THBS4: variants seen among roughly 807,000 people sequenced by gnomAD.
THBS4 encodes the protein thrombospondin-4.
Under a neutral mutation model 115.7 loss-of-function variants are expected in THBS4, and 90 were observed. The observed-to-expected ratio is 0.78, with a 90% CI of 0.66 to 0.93. The LOEUF (loss-of-function observed/expected upper bound fraction) is 0.93, where lower values mean the gene tolerates loss of function less well. Among genes scored for constraint, THBS4 ranks in the 40% least tolerant of loss-of-function variants. The probability of loss-of-function intolerance (pLI) is 0.00; values close to 1 mark genes in which losing one functional copy is unlikely to be tolerated. For synonymous variants in THBS4, 460 were observed against 479.3 expected (o/e 0.96, Z 0.53); for missense variants, 1,087 against 1,232.7 (o/e 0.88, Z 1.77).
chr5:80,061,273 C>T (rs542250736), intron 7 of THBS4, among the ~76,000 whole-genome samples: 7 of 152,224 alleles, frequency 4.6e-5, no homozygotes, highest in Admixed American at 2.6e-4. Context: ...GAAGAGGCAC[C>T]GGCCCTGGCT....
At position 80,055,907 on chromosome 5, in the gene THBS4, G is replaced by A. The variant is rs780744842; in HGVS notation, c.415G>A (p.Gly139Ser). 1.2e-5 allele frequency: 20 copies of A among 1,614,046 alleles called. No homozygotes were observed. The highest frequency in any genetic ancestry group is 7.7e-5 in the South Asian group (7 of 91,088). ...LRLSNLQRGA[G>S]SLELYLDCIQ... Reference sequence around the variant, plus strand: ...GCTGAGCAATTTGCAGCGAGGGGCCGGCTCCCTAGAGCTCTACCTGGACTG... The same window carrying A: ...GCTGAGCAATTTGCAGCGAGGGGCCAGCTCCCTAGAGCTCTACCTGGACTG... The change falls in exon 3 of 22, where the codon GGC becomes AGC. Residue 139 changes from glycine (G) to serine (S), a missense_variant. Transcript: ENST00000350881.
chr5:80,035,998 T>C lies in THBS4; in HGVS notation c.88+373T>C. ...CTGTGCCGGTTCCCTCCAGGCAGCC[T>C]TGCTCCCTAAATCCTTCCTCAGGCG... On this transcript the variant is annotated intron_variant, in intron 1 of 21. Coordinates refer to ENST00000350881, the MANE Select transcript of THBS4 (RefSeq NM_003248.6). This position sits in a 1 kb window ranked among gnomAD's most constrained non-coding sequence, Gnocchi z 4.6. 1 of 1,015,170 alleles carries C rather than the reference T, an allele frequency of 9.9e-7. No homozygotes were observed. Among genetic ancestry groups the C allele is most frequent in the Non-Finnish European group, 1.2e-6 (1 of 849,936 alleles). 62.9% of individuals were successfully genotyped at this position (1,015,170 alleles called of 1,614,324 possible).
intron 21 of THBS4, 30 bp from the exon 22 acceptor site, chr5:80,083,050 C>G (rs1561333448): frequency 1.9e-6 from 3 of 1,606,852 alleles, no homozygotes; most frequent in Non-Finnish European, 2.6e-6. Flanking sequence ...AGGAGCCTCG[C>G]TAACCTCCCT....
chr5:80,070,670 G>C lies in THBS4; in HGVS notation c.1480G>C (p.Gly494Arg), dbSNP rs1834009172. 2.5e-6 allele frequency: 4 copies of C among 1,614,172 alleles called. No homozygotes were observed. The highest frequency in any genetic ancestry group is 3.4e-6 in the Non-Finnish European group (4 of 1,180,022). Residue 494 changes from glycine (G) to arginine (R), a missense_variant, in exon 12 of 22, where the codon GGC becomes CGC. Transcript: ENST00000350881. ...CAACTGCAAATATGTGCCAAATTCT[G>C]GCCAAGAAGATGCAGACAGAGATGG... Reference protein sequence around the residue: ...KDNCKYVPNSGQEDADRDGIG... With the variant: ...KDNCKYVPNSRQEDADRDGIG...
chr5:80,038,306 G>A (rs941744563), intron 1 of THBS4, among the ~76,000 whole-genome samples: 4 of 151,514 alleles, frequency 2.6e-5, no homozygotes, highest in African/African-American at 9.8e-5. Context: ...ATGGAATTAC[G>A]TTATACATAT....
chr5:80,082,929 C>G (rs1312570438), intron 21 of THBS4, 151 bp from the exon 22 acceptor site: 29 of 731,000 alleles, frequency 4.0e-5, no homozygotes, highest in Non-Finnish European at 6.2e-5. Flanking sequence ...GTTTGCAAAG[C>G]AGCCTGCAGG....
chr5:80,011,876 T>TA (rs148392672), intron 2 of THBS4, among the ~76,000 whole-genome samples: 35,918 of 149,952 alleles, frequency 0.24, 4,671 homozygotes, highest in African/African-American at 0.35. Context: ...TTCTGTTTCT[T>TA]AAAAAAAAAG....
chr5:80,002,459 C>T (rs1580901599), intron 2 of THBS4, among the ~76,000 whole-genome samples: 1 of 152,174 alleles, frequency 6.6e-6, no homozygotes, highest in African/African-American at 2.4e-5. Context: ...GACCAAAGAC[C>T]TTTGCCTTGT....
intron 2 of THBS4, among the ~76,000 whole-genome samples, chr5:80,021,289 G>C (rs1832368458): frequency 6.6e-6 from 1 of 152,126 alleles, no homozygotes; most frequent in African/African-American, 2.4e-5. Context: ...ATCAAATGAA[G>C]AAGCAGACTT....
chr5:80,011,688 G>A (rs1320446526), intron 2 of THBS4, among the ~76,000 whole-genome samples: 1 of 152,126 alleles, frequency 6.6e-6, no homozygotes, highest in Admixed American at 6.5e-5. Context: ...GCTTCAGAAT[G>A]AGCCAGGGAC....
At chr5:80,021,636 C>T (rs376281229) in intron 2 of THBS4, among the ~76,000 whole-genome samples, 12 of 152,042 alleles carry the variant, frequency 7.9e-5, no homozygotes, top group East Asian at 1.9e-4. Context: ...CCTCTACATG[C>T]GCCACTACAT....
intron 2 of THBS4, among the ~76,000 whole-genome samples, chr5:80,000,372 A>G (rs907455441): frequency 6.6e-6 from 1 of 152,068 alleles, no homozygotes; most frequent in Admixed American, 6.6e-5. Flanking sequence ...CACAAAGTCT[A>G]CCCCTCCTTA....
intron 16 of THBS4, among the ~76,000 whole-genome samples, chr5:80,077,603 CT>C (rs1363837266): frequency 3.9e-5 from 6 of 152,224 alleles, no homozygotes; most frequent in African/African-American, 9.6e-5. Context: ...AGCACGTTAG[CT>C]GAACAACACA....
intron 10 of THBS4, among the ~76,000 whole-genome samples, chr5:80,069,305 G>T (rs1275566601): frequency 6.6e-6 from 1 of 152,228 alleles, no homozygotes; most frequent in Non-Finnish European, 1.5e-5. Flanking sequence ...TAAATATAAT[G>T]AAGTCAGCCC....
At chr5:80,069,885 A>G (rs1833970581) in intron 10 of THBS4, among the ~76,000 whole-genome samples, 1 of 152,234 alleles carries the variant, frequency 6.6e-6, no homozygotes, top group Non-Finnish European at 1.5e-5. Flanking sequence ...TGGTGAGGCC[A>G]GGAAATTTAA....
At chr5:80,069,853 C>T (rs1344988208) in intron 10 of THBS4, among the ~76,000 whole-genome samples, 2 of 152,220 alleles carry the variant, frequency 1.3e-5, no homozygotes, top group East Asian at 3.9e-4. Flanking sequence ...CTGAGGAAGT[C>T]ACTGGTCTGA....
chr5:80,041,859 T>C (rs760103566), intron 2 of THBS4, among the ~76,000 whole-genome samples: 15 of 152,256 alleles, frequency 9.9e-5, no homozygotes, highest in Non-Finnish European at 1.6e-4. Context: ...CTTTACAAAG[T>C]GGACACTTCC....
chr5:79,994,388 A>G (rs2151146825), intron 1 of THBS4, among the ~76,000 whole-genome samples: 2 of 152,356 alleles, frequency 1.3e-5, no homozygotes, highest in South Asian at 4.1e-4. Context: ...TAGTCCATTA[A>G]AAAGCCCAGT....
chr5:80,070,765 G>A lies in THBS4; in HGVS notation c.1560+15G>A. On this transcript the variant is annotated intron_variant, in intron 12 of 21. Transcript: ENST00000350881. ...TGAATGAGCAGGTACCTGCTTCGCT[G>A]GGAGGGCCTGTGAATTGCCACGTAC... 1 of 1,612,642 alleles carries A rather than the reference G, an allele frequency of 6.2e-7. No homozygotes were observed. The highest frequency in any genetic ancestry group is 1.1e-5 in the South Asian group (1 of 91,056).
Sources: gnomAD v4.1 joint callset for allele counts (sites outside exome capture counted in the v4.1 genomes callset) on GRCh38, gnomAD v4.1.1 for gene constraint, Gnocchi (gnomAD v3.1) non-coding constraint, MANE v1.5 for transcripts, NCBI Gene and HGNC (gene_info 2026-07-23, HGNC 2026-07-21) for gene names.